The following PPP5C variants were observed in gnomAD, a reference collection of about 807,000 sequenced individuals.
PPP5C encodes the protein protein phosphatase 5 catalytic subunit, also known as serine/threonine-protein phosphatase 5.
A neutral mutation model predicts 66.7 loss-of-function variants in PPP5C; 21 were observed. That is an observed-to-expected ratio of 0.31 (90% CI 0.22 to 0.45). The LOEUF (loss-of-function observed/expected upper bound fraction) is 0.45. Among genes scored for constraint, PPP5C ranks in the 20% least tolerant of loss-of-function variants. The probability of loss-of-function intolerance (pLI) is 1.00; values close to 1 mark genes in which losing one functional copy is unlikely to be tolerated. For synonymous variants in PPP5C, 246 were observed against 257.4 expected (o/e 0.96, Z 0.43); for missense variants, 464 against 675.9 (o/e 0.69, Z 3.48).
At chr19:46,364,873 G>A (rs775485895) in intron 2 of PPP5C, among the ~76,000 whole-genome samples, 1 of 151,126 alleles carries the variant, frequency 6.6e-6, no homozygotes, top group Non-Finnish European at 1.5e-5. Context: ...GTATTTGCAG[G>A]ATGGCGCTCC....
chr19:46,389,409 A>AGTGTTGAGTAAGACT (rs1358549345), intron 11 of PPP5C, among the ~76,000 whole-genome samples: 1 of 36,794 alleles, frequency 2.7e-5, no homozygotes, highest in African/African-American at 8.2e-5. Flanking sequence ...ACACACACAC[A>AGTGTTGAGTAAGACT]CACACACACA....
At position 46,383,972 on chromosome 19, in the gene PPP5C, G is replaced by C; in HGVS notation, c.798+94G>C. 9.2e-7 allele frequency: 1 copy of C among 1,085,988 alleles called. No individual in the cohort carries two copies. The highest frequency in any genetic ancestry group is 1.4e-6 in the Non-Finnish European group (1 of 722,930). The allele number at this position is 1,085,988 out of a possible 1,614,324, so 67.3% of individuals were successfully genotyped here. A position where few individuals can be genotyped will look rare whatever the true frequency, so the allele number is the denominator to read the frequency against. ...GTGGGAGGAGCCCTTGCCAGGAAAA[G>C]ACGTGACCTTGGAAAGGAGAGGCCT... is the stretch of plus-strand genomic sequence containing the variant. On this transcript the variant is annotated intron_variant, in intron 6 of 12. Coordinates refer to ENST00000012443, the MANE Select transcript of PPP5C (RefSeq NM_006247.4). This position sits in a 1 kb window ranked among gnomAD's most constrained non-coding sequence, Gnocchi z 5.0.
chr19:46,387,356 A>G lies in PPP5C; in HGVS notation c.1048-10A>G, dbSNP rs887418987. ...ACCTTCCCTCACAGCGGCATCCCCCATCTCCCCAGATCATGCACGGAGGCC... is the reference window on the plus strand; with the variant it reads ...ACCTTCCCTCACAGCGGCATCCCCCGTCTCCCCAGATCATGCACGGAGGCC... On this transcript the variant is annotated splice_polypyrimidine_tract_variant and intron_variant, in intron 8 of 12. Transcript: ENST00000012443. The G allele has an allele frequency of 9.3e-6, 15 of 1,605,972 alleles. No homozygotes were observed. The highest frequency in any genetic ancestry group is 9.4e-6 in the Non-Finnish European group (11 of 1,173,728).
intron 1 of PPP5C, among the ~76,000 whole-genome samples, chr19:46,351,486 C>T (rs1165335915): frequency 6.6e-6 from 1 of 152,240 alleles, no homozygotes; most frequent in Non-Finnish European, 1.5e-5. Flanking sequence ...CTCACGGCCA[C>T]CCAGTGAGGC....
At chr19:46,361,070 T>G (rs573737799) in intron 2 of PPP5C, among the ~76,000 whole-genome samples, 30 of 152,228 alleles carry the variant, frequency 2.0e-4, no homozygotes, top group African/African-American at 7.2e-4. Context: ...TTGTTTGTTT[T>G]TTGGGATTTT....
chr19:46,384,740 CCCCCAA>C, intron 6 of PPP5C, 58 bp from the exon 7 acceptor site: 1 of 1,329,932 alleles, frequency 7.5e-7, no homozygotes, highest in Non-Finnish European at 1.1e-6. Context: ...TCTGCCACCA[CCCCCAA>C]CCCCACCGCA....
chr19:46,356,044 G>C (rs12459222), intron 2 of PPP5C, among the ~76,000 whole-genome samples: 32,430 of 151,986 alleles, frequency 0.21, 4,142 homozygotes, highest in Non-Finnish European at 0.3. Context: ...GCCCAACCCC[G>C]CATACTCCCA....
intron 7 of PPP5C, among the ~76,000 whole-genome samples, chr19:46,385,984 C>T (rs1210867850): frequency 1.3e-5 from 2 of 151,698 alleles, no homozygotes; most frequent in Admixed American, 6.6e-5. Flanking sequence ...GGAAGTAGAG[C>T]CCAGAGTATT....
chr19:46,378,437 G>A (rs978587221), intron 4 of PPP5C, among the ~76,000 whole-genome samples: 1 of 152,160 alleles, frequency 6.6e-6, no homozygotes, highest in Non-Finnish European at 1.5e-5. Flanking sequence ...TTTTGCAGTC[G>A]TTAGTCATAG....
At chr19:46,363,493 G>A (rs1005967956) in intron 2 of PPP5C, among the ~76,000 whole-genome samples, 3 of 151,088 alleles carry the variant, frequency 2.0e-5, no homozygotes, top group Non-Finnish European at 2.9e-5. Context: ...GCAGTGGCGC[G>A]ATCTCGGCTC....
At chr19:46,347,775 A>G (rs929561497) in intron 1 of PPP5C, among the ~76,000 whole-genome samples, 1 of 152,118 alleles carries the variant, frequency 6.6e-6, no homozygotes, top group Non-Finnish European at 1.5e-5. Flanking sequence ...ATCACTTAGA[A>G]TATTGAGAGT....
chr19:46,356,848 C>A (rs545835683), intron 2 of PPP5C, among the ~76,000 whole-genome samples: 1 of 152,252 alleles, frequency 6.6e-6, no homozygotes, highest in African/African-American at 2.4e-5. Flanking sequence ...ATGTGGGCTG[C>A]AGGCAGAGAG....
intron 11 of PPP5C, among the ~76,000 whole-genome samples, chr19:46,389,456 CACACAG>C (rs1228988849): frequency 8.0e-6 from 1 of 125,566 alleles, no homozygotes; most frequent in African/African-American, 3.5e-5. Context: ...CACACACACA[CACACAG>C]TGTTGATCCC....
At chr19:46,363,089 C>T (rs1601421076) in intron 2 of PPP5C, among the ~76,000 whole-genome samples, 1 of 150,066 alleles carries the variant, frequency 6.7e-6, no homozygotes, top group Admixed American at 6.6e-5. Flanking sequence ...CCCGGGCCGC[C>T]GACATAGTTT....
At chr19:46,389,298 TGGGGAA>T (rs1188068488) in intron 11 of PPP5C, among the ~76,000 whole-genome samples, 5 of 149,914 alleles carry the variant, frequency 3.3e-5, no homozygotes, top group Admixed American at 6.8e-5. Flanking sequence ...CACTCCAGCC[TGGGGAA>T]GAGTAAGACT....
At chr19:46,375,889 T>C (rs1972686926) in intron 3 of PPP5C, 138 bp downstream of exon 3, 4 of 1,398,704 alleles carry the variant, frequency 2.9e-6, no homozygotes, top group South Asian at 3.0e-5. Context: ...CCTCTGCCTG[T>C]GTTCCAGGGC....
At chr19:46,378,850 C>T (rs1241775523) in intron 4 of PPP5C, among the ~76,000 whole-genome samples, 35 of 151,036 alleles carry the variant, frequency 2.3e-4, no homozygotes, top group Non-Finnish European at 1.5e-5. Flanking sequence ...ACAGCATATA[C>T]TTGGGTCTTG....
At chr19:46,352,464 C>G (rs772083791) in intron 1 of PPP5C, among the ~76,000 whole-genome samples, 1 of 152,196 alleles carries the variant, frequency 6.6e-6, no homozygotes, top group Non-Finnish European at 1.5e-5. Context: ...ACGCTCCTGC[C>G]CAGAGGTCAC....
chr19:46,366,619 G>C (rs1244730097), intron 2 of PPP5C, among the ~76,000 whole-genome samples: 2 of 152,184 alleles, frequency 1.3e-5, no homozygotes, highest in African/African-American at 4.8e-5. Context: ...ACAGGTGTGA[G>C]GCACCATGCA....
Sources: gnomAD v4.1 joint callset for allele counts (sites outside exome capture counted in the v4.1 genomes callset) on GRCh38, gnomAD v4.1.1 for gene constraint, Gnocchi (gnomAD v3.1) non-coding constraint, MANE v1.5 for transcripts, NCBI Gene and HGNC (gene_info 2026-07-23, HGNC 2026-07-21) for gene names.